TGM7: variants seen among roughly 807,000 people sequenced by gnomAD.
TGM7 encodes transglutaminase 7.
Under a neutral mutation model 79.5 loss-of-function variants are expected in TGM7, and 74 were observed. The ratio of observed to expected loss-of-function variants is 0.93; its 90% CI spans 0.77 to 1.13. The LOEUF (loss-of-function observed/expected upper bound fraction) is 1.13. Ranked by LOEUF, TGM7 falls within the 50% of genes most tolerant of loss-of-function variation. The probability of loss-of-function intolerance (pLI) is 0.00; values close to 1 mark genes in which losing one functional copy is unlikely to be tolerated. For missense variants in TGM7, 912 were observed against 905.9 expected (o/e 1.01, Z -0.09); for synonymous variants, 354 against 362.5 (o/e 0.98, Z 0.27).
At position 43,293,497 on chromosome 15, in the gene TGM7, G is replaced by A. The variant is rs758801991; in HGVS notation, c.145C>T (p.Arg49Ter). The A allele has an allele frequency of 6.2e-7, 1 of 1,611,352 alleles. No homozygotes were observed. The highest frequency in any genetic ancestry group is 8.5e-7 in the Non-Finnish European group (1 of 1,179,224). Residue 49 changes from arginine to a stop codon, truncating the protein, a stop_gained, in exon 2 of 13, where the codon CGA becomes TGA. Coordinates refer to ENST00000452443, the MANE Select transcript of TGM7 (RefSeq NM_052955.3). LOFTEE classifies it high-confidence loss of function. Reference sequence around the variant, plus strand: ...TGGTCGTTCTGGGACTGGAAGGGTCGGCTGAAGCTCAGCCGGAGGTAGAAG... The same window carrying A: ...TGGTCGTTCTGGGACTGGAAGGGTCAGCTGAAGCTCAGCCGGAGGTAGAAG... ...QPFYLRLSFS[R>*]PFQSQNDHIT...
intron 6 of TGM7, among the ~76,000 whole-genome samples, chr15:43,286,918 C>T (rs533381344): frequency 3.7e-4 from 57 of 152,328 alleles, no homozygotes; most frequent in Admixed American, 2.2e-3. Flanking sequence ...AGCTATCTCA[C>T]GCCATCTACT....
chr15:43,285,583 G>T (rs2042931439), intron 6 of TGM7, among the ~76,000 whole-genome samples: 1 of 152,072 alleles, frequency 6.6e-6, no homozygotes, highest in Non-Finnish European at 1.5e-5. Context: ...CTGAAATTTG[G>T]GATCTGTAAT....
intron 9 of TGM7, 38 bp from the exon 10 acceptor site, chr15:43,279,989 G>C (rs760521945): frequency 6.3e-7 from 1 of 1,583,008 alleles, no homozygotes; most frequent in Non-Finnish European, 8.6e-7. Flanking sequence ...TGCATGGGGA[G>C]GGGTGGAGAG....
Position 43,293,468 on chromosome 15 carries a change from G to C in TGM7, c.174C>G (p.Ile58Met). 6.2e-7 allele frequency: 1 copy of C among 1,607,764 alleles called. No individual in the cohort carries two copies. Among genetic ancestry groups the C allele is most frequent in the Non-Finnish European group, 8.5e-7 (1 of 1,176,416 alleles). ...SRPFQSQNDH[I>M]TFVAETGPKP... ...ACTCACCGGTCTCAGCCACAAAGGT[G>C]ATGTGGTCGTTCTGGGACTGGAAGG... Residue 58 changes from isoleucine (I) to methionine (M), a missense_variant, in exon 2 of 13, where the codon ATC becomes ATG. Physicochemically the swap from Ile to Met is conservative, Grantham distance 10 (BLOSUM62 1). Coordinates refer to ENST00000452443, the MANE Select transcript of TGM7 (RefSeq NM_052955.3).
Position 43,294,302 on chromosome 15 carries a change from C to T in TGM7, c.11-671G>A, listed in dbSNP as rs139842177. On this transcript the variant is annotated intron_variant, in intron 1 of 12. Transcript: ENST00000452443. Reference sequence around the variant, plus strand: ...CTATGAGGAGGGCACTGCCTGCTTCCTGTGTGTGCACACCTGGTACATGGT... The same window carrying T: ...CTATGAGGAGGGCACTGCCTGCTTCTTGTGTGTGCACACCTGGTACATGGT... Among the ~76,000 whole-genome samples, 566 of 152,296 alleles carry T rather than the reference C, an allele frequency of 3.7e-3. 3 individuals carry two copies. The highest frequency in any genetic ancestry group is 0.013 in the African/African-American group (536 of 41,548).
At chr15:43,301,075 C>A (rs964397023) in intron 1 of TGM7, among the ~76,000 whole-genome samples, 6 of 152,050 alleles carry the variant, frequency 3.9e-5, no homozygotes, top group Non-Finnish European at 7.4e-5. Flanking sequence ...TTGACCCCCC[C>A]AGGCTCATGC....
chr15:43,287,791 C>A, intron 4 of TGM7, 122 bp from the exon 5 acceptor site: 1 of 1,154,430 alleles, frequency 8.7e-7, no homozygotes, highest in Non-Finnish European at 1.2e-6. Flanking sequence ...AGGGGGAGGG[C>A]GCTAAATATA....
At chr15:43,300,683 C>A (rs1166212377) in intron 1 of TGM7, among the ~76,000 whole-genome samples, 1 of 152,160 alleles carries the variant, frequency 6.6e-6, no homozygotes. Context: ...CGCCTGTAGT[C>A]CCAGCTACTC....
At chr15:43,287,731 A>C in intron 4 of TGM7, 62 bp from the exon 5 acceptor site, 1 of 1,559,966 alleles carries the variant, frequency 6.4e-7, no homozygotes, top group South Asian at 1.3e-5. Flanking sequence ...CTGAAACTTT[A>C]AGTCACTAAC....
chr15:43,287,565 A>G lies in TGM7; in HGVS notation c.663T>C (p.Tyr221=). 1 of 1,614,094 alleles carries G rather than the reference A, an allele frequency of 6.2e-7. No homozygotes were observed. Among genetic ancestry groups the G allele is most frequent in the Non-Finnish European group, 8.5e-7 (1 of 1,179,988 alleles). The change falls in exon 5 of 13, where the codon TAT becomes TAC. Residue 221 remains tyrosine (Y), a synonymous_variant. Transcript: ENST00000452443. ...KDCSQRNDVV[Y]VCRVVSAMIN... ...CCATGGCACTCACCACCCTGCACAC[A>G]TACACCACGTCGTTCCGCTGGGAAC... is the stretch of plus-strand genomic sequence containing the variant.
chr15:43,284,710 C>A, intron 7 of TGM7, 104 bp downstream of exon 7: 1 of 1,397,424 alleles, frequency 7.2e-7, no homozygotes, highest in South Asian at 1.2e-5. Context: ...CAGCAATGCT[C>A]AGGGCAATCT....
At chr15:43,299,599 G>C (rs2043016619) in intron 1 of TGM7, among the ~76,000 whole-genome samples, 1 of 152,326 alleles carries the variant, frequency 6.6e-6, no homozygotes. Flanking sequence ...AGACAACAAA[G>C]GGCAAATTCT....
chr15:43,283,964 T>C (rs1053225550), intron 7 of TGM7, among the ~76,000 whole-genome samples: 1 of 152,146 alleles, frequency 6.6e-6, no homozygotes, highest in African/African-American at 2.4e-5. Context: ...TCCCAGCACT[T>C]TGGGAGGCCG....
chr15:43,290,749 G>A (rs2042959888), intron 4 of TGM7, among the ~76,000 whole-genome samples: 1 of 152,098 alleles, frequency 6.6e-6, no homozygotes, highest in East Asian at 1.9e-4. Context: ...ATTGAGCAGT[G>A]GTTTGTAGTT....
chr15:43,287,560 C>T lies in TGM7; in HGVS notation c.668G>A (p.Cys223Tyr), dbSNP rs1566844887. 1 of 1,614,028 alleles carries T rather than the reference C, an allele frequency of 6.2e-7. No homozygotes were observed. Among genetic ancestry groups the T allele is most frequent in the East Asian group, 2.2e-5 (1 of 44,882 alleles). ...CCTTACCATGGCACTCACCACCCTG[C>T]ACACATACACCACGTCGTTCCGCTG... ...CSQRNDVVYV[C>Y]RVVSAMINSN... Residue 223 changes from cysteine to tyrosine, a missense_variant, in exon 5 of 13, where the codon TGC becomes TAC. Coordinates refer to ENST00000452443, the MANE Select transcript of TGM7 (RefSeq NM_052955.3).
At chr15:43,300,180 G>A (rs938074594) in intron 1 of TGM7, among the ~76,000 whole-genome samples, 2 of 152,176 alleles carry the variant, frequency 1.3e-5, no homozygotes, top group African/African-American at 4.8e-5. Context: ...TCAGAACATA[G>A]GGGATGTTTG....
rs140755102 is a variant in TGM7, at chr15:43,279,206, C to A, written c.1750G>T (p.Val584Leu). The change falls in exon 11 of 13, where the codon GTG becomes TTG. Residue 584 changes from valine (V) to leucine (L), a missense_variant. Coordinates refer to ENST00000452443, the MANE Select transcript of TGM7 (RefSeq NM_052955.3). ...NKLTDEKLIR[V>L]SGIAEVEETG... ...TCTTCAACCTCCGCGATGCCAGACACGCGGATGAGCTTTTCGTCCGTTAGC... is the reference window on the plus strand; with the variant it reads ...TCTTCAACCTCCGCGATGCCAGACAAGCGGATGAGCTTTTCGTCCGTTAGC... 1 of 1,614,150 alleles carries A rather than the reference C, an allele frequency of 6.2e-7. No individual in the cohort carries two copies. The highest frequency in any genetic ancestry group is 1.1e-5 in the South Asian group (1 of 91,080).
At chr15:43,279,439 C>T (rs2042894940) in intron 10 of TGM7, among the ~76,000 whole-genome samples, 162 bp from the exon 11 acceptor site, 1 of 152,218 alleles carries the variant, frequency 6.6e-6, no homozygotes, top group Admixed American at 6.5e-5. Context: ...GTCCCCAGGG[C>T]TCACTGCTCC....
chr15:43,295,716 T>C (rs766800621), intron 1 of TGM7, among the ~76,000 whole-genome samples: 3 of 152,252 alleles, frequency 2.0e-5, no homozygotes, highest in Non-Finnish European at 4.4e-5. Context: ...AATCCAGTTT[T>C]CATCTTTTCC....
Sources: gnomAD v4.1 joint callset for allele counts (sites outside exome capture counted in the v4.1 genomes callset) on GRCh38, gnomAD v4.1.1 for gene constraint, MANE v1.5 for transcripts, NCBI Gene and HGNC (gene_info 2026-07-23, HGNC 2026-07-21) for gene names.